Variants in THADA observed in about 807,000 individuals in gnomAD.
The protein encoded by THADA is tRNA (32-2'-O)-methyltransferase regulator THADA.
A neutral mutation model predicts 219.8 loss-of-function variants in THADA; 213 were observed. The observed-to-expected ratio is 0.97, with a 90% CI of 0.87 to 1.09. The LOEUF (loss-of-function observed/expected upper bound fraction) is 1.09. Ranked by LOEUF, THADA falls within the 50% of genes least tolerant of loss-of-function variation. The pLI, the probability that THADA is intolerant of heterozygous loss-of-function variation, is 0.00. For missense variants in THADA, 2,956 were observed against 2,311.3 expected (o/e 1.28, Z -5.72); for synonymous variants, 1,018 against 828.9 (o/e 1.23, Z -3.92).
chr2:43,379,687 A>G (rs1244818130), intron 29 of THADA, among the ~76,000 whole-genome samples: 1 of 152,220 alleles, frequency 6.6e-6, no homozygotes. Context: ...GCAATCCGCT[A>G]GGTACTTACC....
At chr2:43,306,040 G>GC (rs1232852866) in intron 31 of THADA, among the ~76,000 whole-genome samples, 5 of 147,650 alleles carry the variant, frequency 3.4e-5, no homozygotes, top group Admixed American at 2.1e-4. Context: ...ACGCCGGAGT[G>GC]CAGTGGTATG....
intron 28 of THADA, among the ~76,000 whole-genome samples, chr2:43,426,355 C>G (rs1360094393): frequency 6.6e-6 from 1 of 152,158 alleles, no homozygotes; most frequent in Non-Finnish European, 1.5e-5. Context: ...GTTCTTAAGA[C>G]AGAGCACAGG....
intron 36 of THADA, chr2:43,233,286 A>C (rs1667652020): frequency 5.4e-6 from 1 of 184,966 alleles, no homozygotes; most frequent in Admixed American, 5.4e-5. Flanking sequence ...CTTGGGCACA[A>C]GACACATCCT....
intron 26 of THADA, among the ~76,000 whole-genome samples, chr2:43,482,227 C>G (rs999949): frequency 0.61 from 93,097 of 151,932 alleles, 29,780 homozygotes; most frequent in African/African-American, 0.77. Flanking sequence ...AGTGAAACTT[C>G]TGTTTTCTCA....
At chr2:43,357,846 A>G (rs1669052664) in intron 29 of THADA, among the ~76,000 whole-genome samples, 1 of 152,230 alleles carries the variant, frequency 6.6e-6, no homozygotes, top group African/African-American at 2.4e-5. Flanking sequence ...TTTACATTCA[A>G]TGTTGTATAC....
At chr2:43,316,607 G>A in intron 31 of THADA, among the ~76,000 whole-genome samples, 1 of 152,174 alleles carries the variant, frequency 6.6e-6, no homozygotes, top group Non-Finnish European at 1.5e-5. Flanking sequence ...GAGGAGACTG[G>A]ATTAGATGCA....
chr2:43,480,308 T>C (rs946167225), intron 26 of THADA, among the ~76,000 whole-genome samples: 16 of 152,166 alleles, frequency 1.1e-4, no homozygotes, highest in Non-Finnish European at 2.4e-4. Context: ...AAATGTTACC[T>C]TCCTTCACAA....
At chr2:43,256,753 AT>A (rs1307304910) in intron 36 of THADA, among the ~76,000 whole-genome samples, 1 of 150,480 alleles carries the variant, frequency 6.6e-6, no homozygotes, top group African/African-American at 2.5e-5. Context: ...TAATTTTCTT[AT>A]TTTTTGTACA....
chr2:43,394,418 A>G (rs1481973842), intron 29 of THADA, among the ~76,000 whole-genome samples: 2 of 152,278 alleles, frequency 1.3e-5, no homozygotes, highest in African/African-American at 4.8e-5. Context: ...GTCAAAATGT[A>G]TAATTCAAGA....
At position 43,491,271 on chromosome 2, in the gene THADA, A is replaced by G. The variant is rs183028023; in HGVS notation, c.3745-5946T>C. The stretch of plus-strand genomic sequence containing the variant: ...ATGCTAATATGAATCATTGATAGCA[A>G]TCTTAATGTGAGTAATACATTAGTA... On this transcript the variant is annotated intron_variant, in intron 25 of 37. Coordinates refer to ENST00000405975, the MANE Select transcript of THADA (RefSeq NM_022065.5). Among the ~76,000 whole-genome samples the G allele has an allele frequency of 1.2e-4, 19 of 152,360 alleles. No homozygotes were observed. The East Asian group carries it at 3.1e-3, about 25-fold the overall frequency.
intron 17 of THADA, chr2:43,556,061 A>G: frequency 1.6e-6 from 1 of 641,188 alleles, no homozygotes; most frequent in Non-Finnish European, 2.1e-6. Flanking sequence ...TATGTAGGGA[A>G]AAAAGCACAC....
intron 31 of THADA, among the ~76,000 whole-genome samples, chr2:43,299,153 C>G (rs1675950877): frequency 6.6e-6 from 1 of 151,220 alleles, no homozygotes; most frequent in Non-Finnish European, 1.5e-5. Flanking sequence ...GTTCCATCCC[C>G]AAGATGTCTC....
At chr2:43,281,592 C>G (rs962398234) in intron 35 of THADA, among the ~76,000 whole-genome samples, 9 of 151,900 alleles carry the variant, frequency 5.9e-5, no homozygotes, top group African/African-American at 1.9e-4. Context: ...TAGGTATGCA[C>G]CACCACACCC....
At chr2:43,410,234 C>CTG (rs1676114051) in intron 28 of THADA, among the ~76,000 whole-genome samples, 1 of 152,156 alleles carries the variant, frequency 6.6e-6, no homozygotes, top group Non-Finnish European at 1.5e-5. Flanking sequence ...GTTAAAAAGA[C>CTG]TGAGCATACC....
intron 28 of THADA, among the ~76,000 whole-genome samples, chr2:43,404,542 T>C (rs17030754): frequency 0.013 from 1,949 of 152,180 alleles, 40 homozygotes; most frequent in African/African-American, 0.042. Context: ...CCTTCTGTGA[T>C]CAGAATCAAT....
rs145033146 is a variant in THADA, at chr2:43,575,113, T to C, written c.1038-86A>G. On this transcript the variant is annotated intron_variant, in intron 10 of 37. Coordinates refer to ENST00000405975, the MANE Select transcript of THADA (RefSeq NM_022065.5). Reference sequence around the variant, plus strand: ...TATAACAATTTAGACTTTAAAAATATTAAATACACAGAATGACCACAAATT... The same window carrying C: ...TATAACAATTTAGACTTTAAAAATACTAAATACACAGAATGACCACAAATT... 3.8e-5 allele frequency: 41 copies of C among 1,084,664 alleles called. No individual in the cohort carries two copies. In the East Asian group the frequency reaches 9.4e-4, roughly 25 times the overall value. 67.2% of individuals were successfully genotyped at this position (1,084,664 alleles called of 1,614,324 possible).
At chr2:43,251,290 C>G (rs929287196) in intron 36 of THADA, among the ~76,000 whole-genome samples, 3 of 152,214 alleles carry the variant, frequency 2.0e-5, no homozygotes, top group African/African-American at 7.2e-5. Flanking sequence ...GTCTGGTTTC[C>G]ATTTCACTGC....
At chr2:43,549,593 A>C (rs1045454973) in intron 19 of THADA, among the ~76,000 whole-genome samples, 1 of 152,182 alleles carries the variant, frequency 6.6e-6, no homozygotes, top group African/African-American at 2.4e-5. Context: ...ACAACAAAAA[A>C]AACTCACTGA....
intron 21 of THADA, among the ~76,000 whole-genome samples, chr2:43,538,080 CT>C (rs1357784147): frequency 2.0e-5 from 3 of 151,968 alleles, no homozygotes; most frequent in Non-Finnish European, 4.4e-5. Flanking sequence ...CTAGTAGTTT[CT>C]TTTTAAGAAT....
Sources: gnomAD v4.1 joint callset for allele counts (sites outside exome capture counted in the v4.1 genomes callset) on GRCh38, gnomAD v4.1.1 for gene constraint, MANE v1.5 for transcripts, NCBI Gene and HGNC (gene_info 2026-07-23, HGNC 2026-07-21) for gene names.